NCKAP5: variants seen among roughly 807,000 people sequenced by gnomAD.
The protein encoded by NCKAP5 is nck-associated protein 5.
A neutral mutation model predicts 167.0 loss-of-function variants in NCKAP5; 92 were observed. The ratio of observed to expected loss-of-function variants is 0.55; its 90% CI spans 0.47 to 0.66. NCKAP5 has a LOEUF of 0.66. NCKAP5 is among the 30% of genes least tolerant of loss of function. NCKAP5 has a pLI of 0.00. For synonymous variants in NCKAP5, 891 were observed against 877.4 expected, an observed-to-expected ratio of 1.02 and a Z score of -0.27; for missense variants, 2,378 against 2,315.0, an observed-to-expected ratio of 1.03 and a Z score of -0.56.
intron 3 of NCKAP5, among the ~76,000 whole-genome samples, chr2:133,410,521 A>G (rs1338742313): frequency 1.3e-5 from 2 of 152,214 alleles, no homozygotes; most frequent in Admixed American, 6.5e-5. Flanking sequence ...ATCCTATAAC[A>G]TAGCTATGCT....
intron 8 of NCKAP5, among the ~76,000 whole-genome samples, chr2:132,913,395 T>C (rs998259393): frequency 1.5e-4 from 22 of 151,662 alleles, no homozygotes; most frequent in African/African-American, 5.1e-4. Flanking sequence ...TGATCTCGGG[T>C]GTGATGCTTA....
chr2:133,506,616 C>T (rs911428675), intron 3 of NCKAP5, among the ~76,000 whole-genome samples: 1 of 152,162 alleles, frequency 6.6e-6, no homozygotes, highest in Non-Finnish European at 1.5e-5. Context: ...TGGCATTTCC[C>T]GCCAAATGGT....
the NCKAP5 span, among the ~76,000 whole-genome samples, chr2:133,592,907 T>C: frequency 7.2e-5 from 11 of 152,334 alleles, no homozygotes; most frequent in African/African-American, 2.6e-4. Flanking sequence ...GGGATTAATC[T>C]GGGTTAATCC....
Position 133,187,245 on chromosome 2 carries a change from G to T in NCKAP5, c.207+26471C>A, listed in dbSNP as rs2084987061. On this transcript the variant is annotated intron_variant, in intron 5 of 19. Coordinates refer to ENST00000409261, the MANE Select transcript of NCKAP5 (RefSeq NM_207363.3). The stretch of plus-strand genomic sequence containing the variant: ...TATTCAGGAGTAGGTTAATTTCCAG[G>T]CTTTTGTATAGTTTTGAGAGATCTT... Among the ~76,000 whole-genome samples the T allele has an allele frequency of 2.0e-5, 3 of 151,916 alleles. No individual in the cohort carries two copies. In the South Asian group the frequency reaches 6.2e-4, roughly 31 times the overall value.
intron 6 of NCKAP5, among the ~76,000 whole-genome samples, chr2:133,031,221 A>G (rs1313928132): frequency 6.6e-6 from 1 of 152,172 alleles, no homozygotes; most frequent in Non-Finnish European, 1.5e-5. Context: ...AAAATCCTGA[A>G]TCACTGACAC....
chr2:133,438,367 T>C (rs1476180490), intron 3 of NCKAP5, among the ~76,000 whole-genome samples: 1 of 152,214 alleles, frequency 6.6e-6, no homozygotes, highest in African/African-American at 2.4e-5. Context: ...GCAGAACTCA[T>C]TGAAACAACA....
intron 8 of NCKAP5, among the ~76,000 whole-genome samples, chr2:132,923,491 A>G (rs1383507480): frequency 6.6e-6 from 1 of 152,214 alleles, no homozygotes; most frequent in Non-Finnish European, 1.5e-5. Flanking sequence ...TGTCTTATTT[A>G]TAACCAATTT....
chr2:133,440,181 T>A (rs1453101549), intron 3 of NCKAP5, among the ~76,000 whole-genome samples: 4 of 152,172 alleles, frequency 2.6e-5, no homozygotes, highest in Admixed American at 2.6e-4. Flanking sequence ...ATGCAGTTGG[T>A]GTGTGTGTTT....
chr2:132,999,793 G>A (rs1318470219), intron 6 of NCKAP5, among the ~76,000 whole-genome samples: 1 of 151,906 alleles, frequency 6.6e-6, no homozygotes, highest in Non-Finnish European at 1.5e-5. Context: ...GACACTCTAG[G>A]GACTGATCCA....
chr2:132,687,713 ACAC>A (rs1219693297), intron 19 of NCKAP5, among the ~76,000 whole-genome samples: 1 of 26,970 alleles, frequency 3.7e-5, no homozygotes, highest in Non-Finnish European at 5.7e-5. Flanking sequence ...ACCTACCTAA[ACAC>A]ACACACACAC....
intron 11 of NCKAP5, among the ~76,000 whole-genome samples, chr2:132,814,084 A>C (rs898071712): frequency 2.0e-5 from 3 of 152,244 alleles, no homozygotes; most frequent in African/African-American, 7.2e-5. Context: ...GATGTATTAC[A>C]TAAATGCAAT....
chr2:133,430,680 T>C (rs1690101106), intron 3 of NCKAP5, among the ~76,000 whole-genome samples: 2 of 152,148 alleles, frequency 1.3e-5, no homozygotes, highest in African/African-American at 2.4e-5. Context: ...GAGTTAGTCA[T>C]GAGTGTAGAG....
At chr2:132,761,599 G>A (rs972919658) in intron 16 of NCKAP5, among the ~76,000 whole-genome samples, 1 of 152,234 alleles carries the variant, frequency 6.6e-6, no homozygotes, top group Non-Finnish European at 1.5e-5. Context: ...CATTCTGTGA[G>A]AGGATTTTGA....
intron 6 of NCKAP5, among the ~76,000 whole-genome samples, chr2:133,083,534 A>G (rs1431415149): frequency 1.3e-5 from 2 of 152,198 alleles, no homozygotes; most frequent in Non-Finnish European, 2.9e-5. Context: ...TACAAGAACT[A>G]GGATTGATTC....
chr2:133,326,381 G>A (rs1038378327), intron 3 of NCKAP5, among the ~76,000 whole-genome samples: 18 of 150,012 alleles, frequency 1.2e-4, no homozygotes, highest in Non-Finnish European at 8.9e-5. Flanking sequence ...ATGAACCAGG[G>A]AGTTGGAGGT....
intron 8 of NCKAP5, among the ~76,000 whole-genome samples, chr2:132,886,855 A>G (rs574878521): frequency 2.6e-5 from 4 of 152,346 alleles, no homozygotes; most frequent in Admixed American, 2.6e-4. Context: ...TTGAGAGCCA[A>G]CATGAATAAA....
intron 11 of NCKAP5, among the ~76,000 whole-genome samples, chr2:132,809,580 A>G (rs548412248): frequency 6.0e-4 from 91 of 152,248 alleles, no homozygotes; most frequent in African/African-American, 2.2e-3. Context: ...ATCTAAGAAT[A>G]GCTACTCCTG....
At chr2:132,925,493 C>T (rs576301969) in intron 8 of NCKAP5, among the ~76,000 whole-genome samples, 24 of 141,526 alleles carry the variant, frequency 1.7e-4, no homozygotes, top group Non-Finnish European at 2.8e-4. Context: ...ACCTGGGAGG[C>T]GGAGTTTGCA....
At chr2:133,614,021 C>A in the NCKAP5 span, among the ~76,000 whole-genome samples, 4 of 152,112 alleles carry the variant, frequency 2.6e-5, no homozygotes, top group African/African-American at 7.2e-5. Flanking sequence ...AGCCCCTGCT[C>A]GGATGGACAG....
Sources: gnomAD v4.1 joint callset for allele counts (sites outside exome capture counted in the v4.1 genomes callset) on GRCh38, gnomAD v4.1.1 for gene constraint, MANE v1.5 for transcripts, NCBI Gene and HGNC (gene_info 2026-07-23, HGNC 2026-07-21) for gene names.